The following PDE6A variants were observed in gnomAD, a reference collection of about 807,000 sequenced individuals.
PDE6A encodes the protein phosphodiesterase 6A, also known as rod cGMP-specific 3',5'-cyclic phosphodiesterase subunit alpha.
PDE6A carries 84 observed loss-of-function variants against 106.3 expected under a neutral mutation model. That is an observed-to-expected ratio of 0.79 (90% confidence interval 0.66 to 0.95). The LOEUF is 0.95. Among genes scored for constraint, PDE6A ranks in the 40% least tolerant of loss-of-function variants. The probability of loss-of-function intolerance (pLI) is 0.00; values close to 1 mark genes in which losing one functional copy is unlikely to be tolerated. For missense variants in PDE6A, 1,052 were observed against 1,084.9 expected (o/e 0.97, Z 0.43); for synonymous variants, 394 against 386.6 (o/e 1.02, Z -0.23).
intron 17 of PDE6A, among the ~76,000 whole-genome samples, chr5:149,873,417 T>A (rs2113523555): frequency 6.6e-6 from 1 of 151,600 alleles, no homozygotes; most frequent in East Asian, 1.9e-4. Context: ...CTACCTCCTC[T>A]ACCTCTGGAG....
intron 4 of PDE6A, among the ~76,000 whole-genome samples, chr5:149,925,311 G>A (rs1312303966): frequency 6.6e-6 from 1 of 152,136 alleles, no homozygotes; most frequent in Non-Finnish European, 1.5e-5. Flanking sequence ...GAGAACTTTA[G>A]CAGAGAACTG....
intron 8 of PDE6A, among the ~76,000 whole-genome samples, chr5:149,899,774 G>A (rs1752898886): frequency 6.6e-6 from 1 of 152,222 alleles, no homozygotes; most frequent in African/African-American, 2.4e-5. Context: ...GTGTCAGGCA[G>A]TGTGTTACAG....
intron 4 of PDE6A, among the ~76,000 whole-genome samples, chr5:149,930,192 A>G (rs1344053417): frequency 1.3e-5 from 2 of 152,264 alleles, no homozygotes; most frequent in Non-Finnish European, 2.9e-5. Flanking sequence ...TCAGCTCTTC[A>G]GAATATTCTG....
intron 17 of PDE6A, among the ~76,000 whole-genome samples, chr5:149,874,097 T>C (rs1760653658): frequency 6.6e-6 from 1 of 151,978 alleles, no homozygotes; most frequent in African/African-American, 2.4e-5. Flanking sequence ...CACTCCAAGA[T>C]AATCAAAACA....
intron 19 of PDE6A, chr5:149,866,511 C>A: frequency 2.2e-6 from 1 of 462,260 alleles, no homozygotes; most frequent in Non-Finnish European, 4.0e-6. Context: ...AGAAAAAGGC[C>A]AGAGGGTGGG....
chr5:149,870,602 G>A (rs1182105104), intron 17 of PDE6A, among the ~76,000 whole-genome samples: 4 of 151,966 alleles, frequency 2.6e-5, no homozygotes, highest in Non-Finnish European at 2.9e-5. Context: ...ATGAAGGAGG[G>A]ACACCAAGGT....
rs1760236533 is a variant in PDE6A at position 149,863,990 on chromosome 5, T to A, written c.2359-724A>T. On this transcript the variant is annotated intron_variant, in intron 20 of 21. Coordinates refer to ENST00000255266, the MANE Select transcript of PDE6A (RefSeq NM_000440.3). The surrounding 1 kb of genome is among the most constrained non-coding windows in gnomAD (Gnocchi z 4.7). ...CTTCCTTGAGGCCTCCACTTATATG[T>A]CACTTCCTCCAAGAAGCCTCTTCTG... Among the ~76,000 whole-genome samples, 1 of 152,086 alleles carries A rather than the reference T, an allele frequency of 6.6e-6. No homozygotes were observed. Among genetic ancestry groups the A allele is most frequent in the Admixed American group, 6.5e-5 (1 of 15,274 alleles).
intron 6 of PDE6A, among the ~76,000 whole-genome samples, chr5:149,914,279 T>TCA (rs2113627472): frequency 6.6e-6 from 1 of 152,268 alleles, no homozygotes. Flanking sequence ...CTCTACCGTC[T>TCA]CACACTGCCT....
chr5:149,942,729 C>T (rs562937603), intron 1 of PDE6A, among the ~76,000 whole-genome samples: 30 of 151,738 alleles, frequency 2.0e-4, no homozygotes, highest in Middle Eastern at 3.4e-3. Flanking sequence ...AGAGGTTCAG[C>T]GGGAAAACAT....
chr5:149,863,090 G>A lies in PDE6A; in HGVS notation c.2506+29C>T, dbSNP rs773839038. The A allele has an allele frequency of 3.1e-6, 5 of 1,613,882 alleles. No individual in the cohort carries two copies. The highest frequency in any genetic ancestry group is 1.1e-5 in the South Asian group (1 of 91,058). On this transcript the variant is annotated intron_variant, in intron 21 of 21. Transcript: ENST00000255266. This position sits in a 1 kb window ranked among gnomAD's most constrained non-coding sequence, Gnocchi z 4.7. ...CTGAGTGCTCAGGGAGTGGGGTGGT[G>A]GGAGTCCCTGCTTCCCCCTTCCACA...
At chr5:149,883,665 C>T (rs1387625370) in intron 16 of PDE6A, 129 bp from the exon 17 acceptor site, 1 of 729,526 alleles carries the variant, frequency 1.4e-6, no homozygotes, top group African/African-American at 1.7e-5. Flanking sequence ...GTTGAAAGAG[C>T]CAAGGCCCAG....
At position 149,903,511 on chromosome 5, in the gene PDE6A, C is replaced by T. The variant is rs1753063879; in HGVS notation, c.1113+137G>A. 3 of 733,516 alleles carry T rather than the reference C, an allele frequency of 4.1e-6. No homozygotes were observed. In the South Asian group the frequency reaches 4.5e-5, roughly 11 times the overall value. The allele number at this position is 733,516 out of a possible 1,614,324, so 45.4% of individuals were successfully genotyped here. The stretch of plus-strand genomic sequence containing the variant: ...AACTCTGTCCCCATTTCCATTGGTA[C>T]AGGAATTTTATCCTGTCATATTTTC... On this transcript the variant is annotated intron_variant, in intron 8 of 21. Transcript: ENST00000255266.
intron 13 of PDE6A, among the ~76,000 whole-genome samples, chr5:149,889,274 A>C (rs1407738207): frequency 6.6e-6 from 1 of 151,822 alleles, no homozygotes; most frequent in African/African-American, 2.4e-5. Context: ...TAGGTAATTG[A>C]CCTAGGAAAC....
At position 149,866,173 on chromosome 5, in the gene PDE6A, G is replaced by A. The variant is rs201275090; in HGVS notation, c.2355C>T (p.Tyr785=). Residue 785 remains tyrosine, a synonymous_variant, in exon 20 of 22, where the codon TAC becomes TAT. Transcript: ENST00000255266. ...GFIDFVCTFV[Y]KEFSRFHEEI... ...GCTGAGGAAGCCAAGGGCCTACCTT[G>A]TAGACGAAGGTGCAAACAAAGTCAA... 17 of 1,610,560 alleles carry A rather than the reference G, an allele frequency of 1.1e-5. No individual in the cohort carries two copies. The highest frequency in any genetic ancestry group is 8.9e-5 in the East Asian group (4 of 44,886).
intron 5 of PDE6A, 24 bp from the exon 6 acceptor site, chr5:149,915,031 A>AATTTT: frequency 8.7e-7 from 1 of 1,155,126 alleles, no homozygotes; most frequent in Non-Finnish European, 1.2e-6. Context: ...GAAAAATTAT[A>AATTTT]CTTTTTTTTT....
chr5:149,884,564 G>C lies in PDE6A; in HGVS notation c.1942C>G (p.Gln648Glu), dbSNP rs1761073879. Residue 648 changes from glutamine (Q) to glutamate (E), a missense_variant, in exon 16 of 22, where the codon CAA (glutamine) becomes GAA (glutamate). Physicochemically the swap from Gln to Glu is conservative, Grantham distance 29 (BLOSUM62 2). Transcript: ENST00000255266. The part of the protein sequence containing the change: ...LLRDESLNIF[Q>E]NLNRRQHEHA... The stretch of plus-strand genomic sequence containing the variant: ...TCATGCTGTCGACGATTGAGGTTTT[G>C]AAAGATATTCAGGCTCTAAAGAAAA... 3 of 1,613,476 alleles carry C rather than the reference G, an allele frequency of 1.9e-6. No individual in the cohort carries two copies. The highest frequency in any genetic ancestry group is 2.5e-6 in the Non-Finnish European group (3 of 1,179,532).
intron 10 of PDE6A, among the ~76,000 whole-genome samples, chr5:149,897,382 G>A (rs1752794217): frequency 6.6e-6 from 1 of 152,168 alleles, no homozygotes; most frequent in African/African-American, 2.4e-5. Flanking sequence ...ACTTGTAACT[G>A]GTTCACCGAG....
intron 6 of PDE6A, 29 bp from the exon 7 acceptor site, chr5:149,907,407 T>A: frequency 6.3e-7 from 1 of 1,587,368 alleles, no homozygotes; most frequent in Non-Finnish European, 8.7e-7. Flanking sequence ...AAACGGTGAC[T>A]CTCAGTGCAG....
In PDE6A at chr5:149,859,335, A is replaced by G. The variant is rs1295144635; in HGVS notation, c.*1560T>C. 2.6e-5 allele frequency: 4 copies of G among 152,236 alleles called. No homozygotes were observed. The highest frequency in any genetic ancestry group is 9.6e-5 in the African/African-American group (4 of 41,460). 9.4% of individuals were successfully genotyped at this position (152,236 alleles called of 1,614,324 possible). A position where few individuals can be genotyped will look rare whatever the true frequency, so the allele number is the denominator to read the frequency against. ...TGGATCAGATTCAGGCAAGCCAACC[A>G]TTGAAAACGTTCATGAGAATGAAGG... On this transcript the variant is annotated 3_prime_UTR_variant, in exon 22 of 22. Transcript: ENST00000255266.
Sources: allele counts gnomAD v4.1 joint callset (sites outside exome capture counted in the v4.1 genomes callset), GRCh38; gene constraint gnomAD v4.1.1; non-coding constraint Gnocchi (gnomAD v3.1); transcripts MANE v1.5; gene names NCBI Gene and HGNC (gene_info 2026-07-23, HGNC 2026-07-21).